Variants in NTRK3 observed in about 807,000 individuals in gnomAD.
The protein encoded by NTRK3 is neurotrophic receptor tyrosine kinase 3, also known as NT-3 growth factor receptor.
In NTRK3, 24 loss-of-function variants were observed where a neutral mutation model predicts 91.7. The observed-to-expected ratio is 0.26, with a 90% CI of 0.19 to 0.37. The LOEUF is 0.37. NTRK3 is among the 10% of genes least tolerant of loss of function. The pLI, the probability that NTRK3 is intolerant of heterozygous loss-of-function variation, is 1.00. For missense variants in NTRK3, 880 were observed against 1,068.9 expected (o/e 0.82, Z 2.46); for synonymous variants, 483 against 404.0 (o/e 1.20, Z -2.34).
chr15:88,110,486 G>T (rs1282173352), intron 13 of NTRK3, among the ~76,000 whole-genome samples: 1 of 152,174 alleles, frequency 6.6e-6, no homozygotes, highest in Non-Finnish European at 1.5e-5. Flanking sequence ...AACTAGGGGT[G>T]GTCAGAGGAG....
chr15:88,037,624 A>G (rs4887203), intron 13 of NTRK3, among the ~76,000 whole-genome samples: 36,786 of 152,108 alleles, frequency 0.24, 4,969 homozygotes, highest in Middle Eastern at 0.39. Flanking sequence ...AGAGACAAAT[A>G]CACTGAGGAC....
At chr15:88,062,015 A>T (rs1403426262) in intron 13 of NTRK3, among the ~76,000 whole-genome samples, 1 of 152,246 alleles carries the variant, frequency 6.6e-6, no homozygotes. Context: ...AACAAAATAA[A>T]AAATCATACA....
chr15:88,082,706 T>G (rs1256361788), intron 13 of NTRK3, among the ~76,000 whole-genome samples: 2 of 152,210 alleles, frequency 1.3e-5, no homozygotes, highest in African/African-American at 4.8e-5. Context: ...AATGTAGTGA[T>G]TCCTACTCTA....
chr15:87,875,564 C>T (rs2064926059), exon 19 of NTRK3: 2 of 232,796 alleles, frequency 8.6e-6, no homozygotes, highest in Non-Finnish European at 8.5e-6. Context: ...TTCCCCCTAC[C>T]CCAGCCCACA....
chr15:87,970,634 C>G (rs1015734708), intron 14 of NTRK3, among the ~76,000 whole-genome samples: 1 of 152,148 alleles, frequency 6.6e-6, no homozygotes, highest in African/African-American at 2.4e-5. Flanking sequence ...CTTCTTGGAG[C>G]CTTTGATATC....
intron 12 of NTRK3, 66 bp from the exon 13 acceptor site, chr15:88,126,439 G>C: frequency 9.2e-7 from 1 of 1,083,756 alleles, no homozygotes; most frequent in African/African-American, 1.6e-5. Context: ...TGAAAATAAT[G>C]TGTGTGCCCA....
At chr15:87,907,391 G>C (rs1003575088) in intron 17 of NTRK3, among the ~76,000 whole-genome samples, 18 of 152,102 alleles carry the variant, frequency 1.2e-4, no homozygotes, top group Non-Finnish European at 2.5e-4. Flanking sequence ...GTCAAGAAGA[G>C]AAACCTATAA....
intron 10 of NTRK3, among the ~76,000 whole-genome samples, chr15:88,129,054 G>A (rs2053567699): frequency 1.3e-5 from 2 of 152,204 alleles, no homozygotes; most frequent in Admixed American, 6.5e-5. Context: ...CTCATTCACA[G>A]CTCTGCTTTC....
intron 14 of NTRK3, among the ~76,000 whole-genome samples, chr15:87,996,374 C>A (rs2075704367): frequency 6.6e-6 from 1 of 152,098 alleles, no homozygotes; most frequent in African/African-American, 2.4e-5. Context: ...CCATCCTGGA[C>A]ACGTGATACA....
intron 17 of NTRK3, among the ~76,000 whole-genome samples, chr15:87,919,810 T>C (rs896480146): frequency 1.3e-5 from 2 of 152,234 alleles, no homozygotes; most frequent in African/African-American, 4.8e-5. Flanking sequence ...AAACTGGAGT[T>C]TGTTTTTTTA....
At chr15:88,249,459 C>T (rs962667592) in intron 3 of NTRK3, among the ~76,000 whole-genome samples, 38 of 152,186 alleles carry the variant, frequency 2.5e-4, no homozygotes, top group Admixed American at 5.2e-4. Context: ...GAGTAGAAGG[C>T]GGCCCCAGCA....
intron 13 of NTRK3, among the ~76,000 whole-genome samples, chr15:88,069,363 C>G (rs1324741285): frequency 1.3e-5 from 2 of 152,152 alleles, no homozygotes; most frequent in Non-Finnish European, 2.9e-5. Flanking sequence ...GAGTCACATT[C>G]AACAAGTTTT....
intron 14 of NTRK3, among the ~76,000 whole-genome samples, chr15:87,948,525 T>TA (rs561264183): frequency 1.3e-5 from 2 of 152,206 alleles, no homozygotes; most frequent in African/African-American, 4.8e-5. Context: ...CCATCTCTGC[T>TA]AAAAATACAA....
intron 14 of NTRK3, among the ~76,000 whole-genome samples, chr15:87,941,662 A>C (rs2069872235): frequency 6.6e-6 from 1 of 152,180 alleles, no homozygotes; most frequent in South Asian, 2.1e-4. Flanking sequence ...CACAAAAGGA[A>C]AGTTCACTGT....
At position 88,255,811 on chromosome 15, in the gene NTRK3, TG is replaced by T; in HGVS notation, c.248+94del. ...CAGCGGGCGGCGGGCAGCGGCGAGC[TG>T]GGGCGGGCGGAGGGCCGGCTCCCGG... On this transcript the variant is annotated intron_variant, in intron 3 of 18. Transcript: ENST00000394480. The surrounding 1 kb of genome is among the most constrained non-coding windows in gnomAD (Gnocchi z 4.3). 1 of 1,104,680 alleles carries T rather than the reference TG, an allele frequency of 9.1e-7. No homozygotes were observed. The highest frequency in any genetic ancestry group is 1.2e-6 in the Non-Finnish European group (1 of 838,384). 68.4% of individuals were successfully genotyped at this position (1,104,680 alleles called of 1,614,324 possible).
intron 17 of NTRK3, among the ~76,000 whole-genome samples, chr15:87,891,625 C>T (rs1336973977): frequency 6.6e-6 from 1 of 152,016 alleles, no homozygotes; most frequent in Non-Finnish European, 1.5e-5. Context: ...TGTAACATAC[C>T]ATATCTGTTC....
chr15:87,984,883 T>C (rs540159461), intron 14 of NTRK3, among the ~76,000 whole-genome samples: 2 of 152,270 alleles, frequency 1.3e-5, no homozygotes, highest in South Asian at 4.1e-4. Flanking sequence ...TCTCCACCAA[T>C]TCCTATTATC....
chr15:88,226,520 T>G (rs1232274949), intron 3 of NTRK3, among the ~76,000 whole-genome samples: 1 of 152,226 alleles, frequency 6.6e-6, no homozygotes, highest in African/African-American at 2.4e-5. Context: ...GTCTGGCTTC[T>G]GAAATTTCAG....
At chr15:88,173,738 AG>A (rs1359027319) in intron 5 of NTRK3, among the ~76,000 whole-genome samples, 1 of 152,144 alleles carries the variant, frequency 6.6e-6, no homozygotes, top group Non-Finnish European at 1.5e-5. Flanking sequence ...TCTCTTCTCC[AG>A]CTGGGTTCCT....
Sources: gnomAD v4.1 joint callset for allele counts (sites outside exome capture counted in the v4.1 genomes callset) on GRCh38, gnomAD v4.1.1 for gene constraint, Gnocchi (gnomAD v3.1) non-coding constraint, MANE v1.5 for transcripts, NCBI Gene and HGNC (gene_info 2026-07-23, HGNC 2026-07-21) for gene names.